ATP8A1: variants seen among roughly 807,000 people sequenced by gnomAD.
ATP8A1 encodes ATPase phospholipid transporting 8A1.
Under a neutral mutation model 177.7 loss-of-function variants are expected in ATP8A1, and 90 were observed. The ratio of observed to expected loss-of-function variants is 0.51; its 90% CI spans 0.43 to 0.60. ATP8A1 has a LOEUF of 0.60. ATP8A1 is among the 20% of genes least tolerant of loss of function. The pLI, the probability that ATP8A1 is intolerant of heterozygous loss-of-function variation, is 0.00. For missense variants in ATP8A1, 1,072 were observed against 1,392.8 expected (o/e 0.77, Z 3.67); for synonymous variants, 493 against 485.9 (o/e 1.01, Z -0.19).
At chr4:42,450,184 AAAGG>A (rs1238717652) in intron 30 of ATP8A1, among the ~76,000 whole-genome samples, 1 of 152,210 alleles carries the variant, frequency 6.6e-6, no homozygotes, top group African/African-American at 2.4e-5. Context: ...TCAGCCATAA[AAAGG>A]AAGTATTGAT....
intron 7 of ATP8A1, among the ~76,000 whole-genome samples, chr4:42,589,074 G>A (rs1733905541): frequency 6.6e-6 from 1 of 152,112 alleles, no homozygotes; most frequent in Admixed American, 6.6e-5. Context: ...GTAAAATCTG[G>A]TGTGTGGCGG....
intron 1 of ATP8A1, among the ~76,000 whole-genome samples, chr4:42,650,481 C>T (rs924984880): frequency 2.6e-4 from 40 of 152,144 alleles, no homozygotes; most frequent in Non-Finnish European, 4.1e-4. Context: ...TTTAAAGGAA[C>T]AAAAACCTTA....
intron 25 of ATP8A1, among the ~76,000 whole-genome samples, chr4:42,479,920 C>T (rs878912172): frequency 2.6e-5 from 4 of 151,200 alleles, no homozygotes; most frequent in Admixed American, 2.6e-4. Flanking sequence ...AAATCCCAAG[C>T]GGGTGCATTT....
chr4:42,533,038 T>G (rs956485743), intron 20 of ATP8A1, among the ~76,000 whole-genome samples: 2 of 152,212 alleles, frequency 1.3e-5, no homozygotes, highest in African/African-American at 4.8e-5. Flanking sequence ...ATAAACAGCC[T>G]TGTTGCTCAC....
chr4:42,640,359 T>C (rs957313047), intron 1 of ATP8A1, among the ~76,000 whole-genome samples: 2 of 152,192 alleles, frequency 1.3e-5, no homozygotes, highest in Non-Finnish European at 2.9e-5. Context: ...AAGAAATGTT[T>C]CCTCTAAAAA....
chr4:42,629,206 T>G (rs568295944), intron 1 of ATP8A1, among the ~76,000 whole-genome samples: 106 of 152,324 alleles, frequency 7.0e-4, no homozygotes, highest in Non-Finnish European at 1.2e-3. Context: ...AATGGATTAG[T>G]AGGGGCCCAA....
At chr4:42,627,737 C>T (rs1738262104) in intron 1 of ATP8A1, among the ~76,000 whole-genome samples, 1 of 152,132 alleles carries the variant, frequency 6.6e-6, no homozygotes, top group Non-Finnish European at 1.5e-5. Context: ...TTGACAAACA[C>T]TTTAAAAAAT....
intron 22 of ATP8A1, among the ~76,000 whole-genome samples, chr4:42,508,025 A>G (rs1724629480): frequency 1.3e-5 from 2 of 152,324 alleles, no homozygotes; most frequent in South Asian, 2.1e-4. Flanking sequence ...ATAGTTCCAC[A>G]TTTGTGTAGG....
At chr4:42,616,177 AAGG>A in intron 4 of ATP8A1, 99 bp from the exon 5 acceptor site, 1 of 1,039,606 alleles carries the variant, frequency 9.6e-7, no homozygotes, top group South Asian at 1.5e-5. Context: ...TATGTTTCTC[AAGG>A]TTTTTATCAT....
At position 42,586,367 on chromosome 4, in the gene ATP8A1, A is replaced by C; in HGVS notation, c.704T>G (p.Ile235Arg). ...TACATACCCATGTCCATCAAGCCTT[A>C]TGTTTCCAACAAAATCGTAGAGATG... Reference protein sequence around the residue: ...NRHLYDFVGNIRLDGHGTVPL... With the variant: ...NRHLYDFVGNRRLDGHGTVPL... Residue 235 changes from isoleucine (I) to arginine (R), a missense_variant, in exon 9 of 37, where the codon ATA (isoleucine) becomes AGA (arginine). Physicochemically the swap from Ile to Arg is moderately conservative, Grantham distance 97 (BLOSUM62 -3). Around this residue, in one of 5 missense-constraint regions of ATP8A1, gnomAD observed 344 missense variants for 393.5 expected, o/e 0.87. Coordinates refer to ENST00000381668, the MANE Select transcript of ATP8A1 (RefSeq NM_006095.2). 6.2e-7 allele frequency: 1 copy of C among 1,614,024 alleles called. No individual in the cohort carries two copies. The highest frequency in any genetic ancestry group is 8.5e-7 in the Non-Finnish European group (1 of 1,179,970).
At chr4:42,553,210 T>C (rs1371496066) in intron 16 of ATP8A1, among the ~76,000 whole-genome samples, 3 of 152,230 alleles carry the variant, frequency 2.0e-5, no homozygotes, top group Non-Finnish European at 4.4e-5. Flanking sequence ...GAAAGGCAGA[T>C]GTAGCTGAAT....
intron 20 of ATP8A1, among the ~76,000 whole-genome samples, chr4:42,539,264 G>C (rs1169640923): frequency 6.6e-6 from 1 of 152,036 alleles, no homozygotes; most frequent in East Asian, 1.9e-4. Flanking sequence ...GGGAGAGGAA[G>C]GGTGGGAGGG....
At chr4:42,459,506 ATTG>A (rs762436161) in intron 27 of ATP8A1, 6 of 357,306 alleles carry the variant, frequency 1.7e-5, no homozygotes, top group South Asian at 1.4e-4. Context: ...AACTGTATAA[ATTG>A]TTATTTGCTT....
At chr4:42,591,459 T>C (rs1042846972) in intron 6 of ATP8A1, among the ~76,000 whole-genome samples, 2 of 152,144 alleles carry the variant, frequency 1.3e-5, no homozygotes, top group African/African-American at 4.8e-5. Flanking sequence ...CAGCTTTGCA[T>C]TATGCCTTAG....
intron 8 of ATP8A1, among the ~76,000 whole-genome samples, chr4:42,587,803 T>C (rs1041465391): frequency 4.0e-5 from 6 of 151,766 alleles, no homozygotes; most frequent in Admixed American, 2.0e-4. Flanking sequence ...AGAGACAGGG[T>C]TTCACCGTGT....
intron 11 of ATP8A1, among the ~76,000 whole-genome samples, chr4:42,579,602 T>A (rs1732813339): frequency 6.6e-6 from 1 of 151,952 alleles, no homozygotes; most frequent in African/African-American, 2.4e-5. Flanking sequence ...TATAGAGTGC[T>A]CATTATGTTT....
At chr4:42,595,831 G>A (rs1734664336) in intron 6 of ATP8A1, among the ~76,000 whole-genome samples, 1 of 152,192 alleles carries the variant, frequency 6.6e-6, no homozygotes, top group Non-Finnish European at 1.5e-5. Flanking sequence ...AATTGATTGT[G>A]CTGCTTTCCA....
chr4:42,414,891 T>TATAA (rs1324458271), intron 35 of ATP8A1, 173 bp from the exon 36 acceptor site: 111 of 591,406 alleles, frequency 1.9e-4, no homozygotes, highest in Non-Finnish European at 7.2e-5. Context: ...TTCAAGTATT[T>TATAA]AGACAGACTT....
chr4:42,446,305 T>C (rs1717246624), intron 31 of ATP8A1, among the ~76,000 whole-genome samples: 1 of 152,006 alleles, frequency 6.6e-6, no homozygotes, highest in Admixed American at 6.6e-5. Flanking sequence ...GGTGGGTTGA[T>C]GCCAAGAGAA....
Sources: allele counts gnomAD v4.1 joint callset (sites outside exome capture counted in the v4.1 genomes callset), GRCh38; gene constraint gnomAD v4.1.1; regional missense constraint gnomAD v4.1.1; transcripts MANE v1.5; gene names NCBI Gene and HGNC (gene_info 2026-07-23, HGNC 2026-07-21).